The following DIAPH3 variants were observed in gnomAD, a reference collection of about 807,000 sequenced individuals.
The protein encoded by DIAPH3 is protein diaphanous homolog 3.
Under a neutral mutation model 144.3 loss-of-function variants are expected in DIAPH3, and 117 were observed. The ratio of observed to expected loss-of-function variants is 0.81; its 90% CI spans 0.70 to 0.95. The LOEUF is 0.95. Among genes scored for constraint, DIAPH3 ranks in the 40% least tolerant of loss-of-function variants. The pLI is 0.00. For missense variants in DIAPH3, 1,421 were observed against 1,412.7 expected (o/e 1.01, Z -0.09); for synonymous variants, 519 against 488.9 (o/e 1.06, Z -0.81).
chr13:59,768,016 G>C (rs374948334), intron 27 of DIAPH3, among the ~76,000 whole-genome samples: 1 of 152,252 alleles, frequency 6.6e-6, no homozygotes, highest in East Asian at 1.9e-4. Flanking sequence ...CAGGAGCCCT[G>C]CTGAGTCCAT....
intron 22 of DIAPH3, among the ~76,000 whole-genome samples, chr13:59,851,350 C>T (rs2042956904): frequency 1.3e-5 from 2 of 152,206 alleles, no homozygotes; most frequent in South Asian, 4.1e-4. Flanking sequence ...CTCTCAAATA[C>T]CAACATAAAT....
At chr13:59,809,007 A>G (rs1035268611) in intron 25 of DIAPH3, among the ~76,000 whole-genome samples, 13 of 152,216 alleles carry the variant, frequency 8.5e-5, no homozygotes, top group Admixed American at 8.5e-4. Flanking sequence ...GGAGACATAA[A>G]TTTAAATTAA....
chr13:59,841,984 T>A (rs1035679394), intron 22 of DIAPH3, among the ~76,000 whole-genome samples: 1 of 152,128 alleles, frequency 6.6e-6, no homozygotes, highest in African/African-American at 2.4e-5. Flanking sequence ...TTTTAACCAC[T>A]GTGTTATATA....
At chr13:59,674,133 G>T (rs940814034) in intron 27 of DIAPH3, among the ~76,000 whole-genome samples, 20 of 152,092 alleles carry the variant, frequency 1.3e-4, no homozygotes, top group African/African-American at 4.6e-4. Flanking sequence ...TCAACTAGCT[G>T]GTGTTAGAAG....
chr13:59,721,450 G>A (rs1405115589), intron 27 of DIAPH3, among the ~76,000 whole-genome samples: 2 of 152,094 alleles, frequency 1.3e-5, no homozygotes, highest in Non-Finnish European at 2.9e-5. Flanking sequence ...ATAAGAGGAA[G>A]AACCGTATTT....
intron 25 of DIAPH3, among the ~76,000 whole-genome samples, chr13:59,802,408 T>C (rs541119417): frequency 6.5e-4 from 98 of 151,656 alleles, no homozygotes; most frequent in Non-Finnish European, 9.7e-4. Context: ...ATTAATTTTA[T>C]CAATATATCA....
At chr13:59,844,351 A>T (rs2139803838) in intron 22 of DIAPH3, among the ~76,000 whole-genome samples, 1 of 152,124 alleles carries the variant, frequency 6.6e-6, no homozygotes, top group South Asian at 2.1e-4. Context: ...AAAAATATAA[A>T]AAATTAGCCA....
intron 4 of DIAPH3, among the ~76,000 whole-genome samples, chr13:60,084,831 C>T (rs1384039112): frequency 6.6e-6 from 1 of 151,986 alleles, no homozygotes; most frequent in African/African-American, 2.4e-5. Flanking sequence ...TATTTATTGT[C>T]TTGAGGGTTG....
At chr13:59,705,232 C>G (rs1310735678) in intron 27 of DIAPH3, among the ~76,000 whole-genome samples, 1 of 152,184 alleles carries the variant, frequency 6.6e-6, no homozygotes, top group Non-Finnish European at 1.5e-5. Context: ...CACCTACTTT[C>G]TTGACTCATG....
intron 27 of DIAPH3, among the ~76,000 whole-genome samples, chr13:59,761,105 TC>T (rs1381919844): frequency 6.6e-6 from 1 of 152,206 alleles, no homozygotes; most frequent in Non-Finnish European, 1.5e-5. Context: ...GCATGTCAAT[TC>T]TTGCTTCAAA....
At chr13:59,989,355 A>T (rs1430941599) in intron 12 of DIAPH3, among the ~76,000 whole-genome samples, 1 of 151,862 alleles carries the variant, frequency 6.6e-6, no homozygotes, top group Non-Finnish European at 1.5e-5. Context: ...TTGGAATAAA[A>T]GCATATTTTA....
intron 23 of DIAPH3, among the ~76,000 whole-genome samples, chr13:59,837,175 A>G (rs548880224): frequency 6.6e-6 from 1 of 152,188 alleles, no homozygotes; most frequent in African/African-American, 2.4e-5. Context: ...GAGATACATG[A>G]ATGCTAATCA....
chr13:59,971,978 T>C (rs2050410987), intron 15 of DIAPH3, among the ~76,000 whole-genome samples: 1 of 152,214 alleles, frequency 6.6e-6, no homozygotes, highest in Admixed American at 6.5e-5. Context: ...TTTCAATAGC[T>C]CTTATCAAAA....
intron 4 of DIAPH3, among the ~76,000 whole-genome samples, chr13:60,062,207 C>T (rs1391732944): frequency 6.6e-6 from 1 of 152,138 alleles, no homozygotes; most frequent in African/African-American, 2.4e-5. Flanking sequence ...ACTCAAAAAA[C>T]ATTTTAAAAA....
At chr13:59,815,667 G>A (rs1339574252) in intron 24 of DIAPH3, among the ~76,000 whole-genome samples, 1 of 151,988 alleles carries the variant, frequency 6.6e-6, no homozygotes, top group African/African-American at 2.4e-5. Flanking sequence ...TATTGTCTAA[G>A]CTGGTCTTGA....
intron 21 of DIAPH3, among the ~76,000 whole-genome samples, chr13:59,870,396 G>T (rs557121264): frequency 6.6e-6 from 1 of 151,910 alleles, no homozygotes; most frequent in Non-Finnish European, 1.5e-5. Context: ...AAGTCTGGAA[G>T]TCAGGGAGTG....
chr13:59,800,981 G>A (rs1040867636), intron 25 of DIAPH3, among the ~76,000 whole-genome samples: 4 of 152,116 alleles, frequency 2.6e-5, no homozygotes, highest in Non-Finnish European at 2.9e-5. Flanking sequence ...TGAGAGAAGA[G>A]CATTAGTGTT....
At chr13:59,938,387 T>C (rs1052360852) in intron 17 of DIAPH3, among the ~76,000 whole-genome samples, 7 of 152,252 alleles carry the variant, frequency 4.6e-5, no homozygotes, top group African/African-American at 1.7e-4. Context: ...GGCTGGAGTA[T>C]TGCTTGAGGC....
chr13:59,948,252 C>T (rs1174668289), intron 17 of DIAPH3, among the ~76,000 whole-genome samples: 1 of 152,108 alleles, frequency 6.6e-6, no homozygotes, highest in African/African-American at 2.4e-5. Flanking sequence ...GTTTATTTTC[C>T]ATTATTTCAT....
Sources: gnomAD v4.1 joint callset for allele counts (sites outside exome capture counted in the v4.1 genomes callset) on GRCh38, gnomAD v4.1.1 for gene constraint, MANE v1.5 for transcripts, NCBI Gene and HGNC (gene_info 2026-07-23, HGNC 2026-07-21) for gene names.